Variants in KCNAB1 observed in about 807,000 individuals in gnomAD.
The protein encoded by KCNAB1 is potassium voltage-gated channel subfamily A regulatory beta subunit 1.
Under a neutral mutation model 64.6 loss-of-function variants are expected in KCNAB1, and 35 were observed. That is an observed-to-expected ratio of 0.54 (90% confidence interval 0.41 to 0.72). The LOEUF (loss-of-function observed/expected upper bound fraction) is 0.72. Among genes scored for constraint, KCNAB1 ranks in the 30% least tolerant of loss-of-function variants. The pLI is 0.00. For missense variants in KCNAB1, 401 were observed against 512.9 expected (o/e 0.78, Z 2.11); for synonymous variants, 177 against 183.8 (o/e 0.96, Z 0.30).
chr3:156,217,419 G>GA (rs1215702420), intron 1 of KCNAB1, among the ~76,000 whole-genome samples: 3 of 151,774 alleles, frequency 2.0e-5, no homozygotes, highest in East Asian at 1.9e-4. Context: ...AGTGATATAC[G>GA]AAAAAAAATC....
At chr3:156,354,118 G>GTATA (rs1281835113) in intron 1 of KCNAB1, among the ~76,000 whole-genome samples, 1 of 99,950 alleles carries the variant, frequency 1.0e-5, no homozygotes, top group Non-Finnish European at 2.1e-5. Context: ...ATATGTGTGT[G>GTATA]TGTATATATA....
Position 156,524,739 on chromosome 3 carries a change from T to A in KCNAB1, c.1081+792T>A, listed in dbSNP as rs1285392991. Among the ~76,000 whole-genome samples the A allele has an allele frequency of 1.8e-4, 15 of 81,716 alleles. No individual in the cohort carries two copies. In the Admixed American group the frequency reaches 2.8e-3, roughly 15 times the overall value. 53.6% of individuals were successfully genotyped at this position (81,716 alleles called of 152,430 possible). ...TCCAGCCTGCGTGACAGAGCAAGACTCCATCTCAAAAAAAAAAAAAAAAAA... is the reference window on the plus strand; with the variant it reads ...TCCAGCCTGCGTGACAGAGCAAGACACCATCTCAAAAAAAAAAAAAAAAAA... On this transcript the variant is annotated intron_variant, in intron 12 of 13. Coordinates refer to ENST00000490337, the MANE Select transcript of KCNAB1 (RefSeq NM_172160.3).
chr3:156,124,084 CA>C (rs1713504676), intron 1 of KCNAB1, among the ~76,000 whole-genome samples: 3 of 151,774 alleles, frequency 2.0e-5, no homozygotes, highest in Non-Finnish European at 2.9e-5. Context: ...ATCTTATGAC[CA>C]TAATATTGCT....
intron 2 of KCNAB1, among the ~76,000 whole-genome samples, chr3:156,451,281 G>A (rs1269379896): frequency 4.6e-5 from 7 of 152,342 alleles, no homozygotes; most frequent in Non-Finnish European, 8.8e-5. Flanking sequence ...TGGATACGTA[G>A]AGTATAAAAG....
chr3:156,501,909 C>T (rs918547805), intron 8 of KCNAB1, among the ~76,000 whole-genome samples: 6 of 152,050 alleles, frequency 3.9e-5, no homozygotes, highest in East Asian at 1.9e-4. Flanking sequence ...GAAGAGAAAA[C>T]GAGGAAGAAG....
At chr3:156,253,784 G>C (rs1315228340) in intron 1 of KCNAB1, among the ~76,000 whole-genome samples, 1 of 152,188 alleles carries the variant, frequency 6.6e-6, no homozygotes, top group Non-Finnish European at 1.5e-5. Context: ...ATCCCAGACT[G>C]CTGAATCAGA....
intron 13 of KCNAB1, 107 bp downstream of exon 13, chr3:156,531,604 G>A: frequency 1.2e-6 from 1 of 857,830 alleles, no homozygotes; most frequent in South Asian, 1.3e-5. Flanking sequence ...TGGGGCAAGA[G>A]TAGGGGGAAC....
At chr3:156,129,131 C>T (rs2108262785) in intron 1 of KCNAB1, among the ~76,000 whole-genome samples, 1 of 152,206 alleles carries the variant, frequency 6.6e-6, no homozygotes, top group Non-Finnish European at 1.5e-5. Flanking sequence ...GTGGTTCTGC[C>T]TATTCATTTT....
At chr3:156,463,603 T>C (rs565485294) in intron 5 of KCNAB1, 99 bp from the exon 6 acceptor site, 3 of 951,556 alleles carry the variant, frequency 3.2e-6, no homozygotes, top group East Asian at 2.7e-5. Context: ...ATGTGAGGTA[T>C]AATAACAAAT....
chr3:156,351,385 A>T (rs952561547), intron 1 of KCNAB1, among the ~76,000 whole-genome samples: 1 of 152,228 alleles, frequency 6.6e-6, no homozygotes, highest in African/African-American at 2.4e-5. Flanking sequence ...GCATGGATGT[A>T]GGCTCTCTCT....
At position 156,128,783 on chromosome 3, in the gene KCNAB1, G is replaced by T. The variant is rs73876105; in HGVS notation, c.275+7897G>T. Among the ~76,000 whole-genome samples, 637 of 152,228 alleles carry T rather than the reference G, an allele frequency of 4.2e-3. 5 individuals are homozygous for T. Among genetic ancestry groups the T allele is most frequent in the African/African-American group, 0.014 (599 of 41,542 alleles). On this transcript the variant is annotated intron_variant, in intron 1 of 13. Transcript: ENST00000490337. ...ATGTGGAAATTAAATCTTTCAATGG[G>T]TTGATAATTTATTTTCATGAATATT...
At chr3:156,160,868 A>G (rs1162143735) in intron 1 of KCNAB1, among the ~76,000 whole-genome samples, 2 of 152,188 alleles carry the variant, frequency 1.3e-5, no homozygotes, top group Non-Finnish European at 1.5e-5. Context: ...CATTGATCTA[A>G]TTAGGCCCGG....
chr3:156,497,038 A>G (rs1444522731), intron 8 of KCNAB1, among the ~76,000 whole-genome samples: 1 of 152,188 alleles, frequency 6.6e-6, no homozygotes, highest in East Asian at 1.9e-4. Flanking sequence ...AAATATTAAC[A>G]TTAATATTTA....
chr3:156,308,268 G>A (rs1309395299), intron 1 of KCNAB1, among the ~76,000 whole-genome samples: 1 of 152,174 alleles, frequency 6.6e-6, no homozygotes, highest in Admixed American at 6.5e-5. Context: ...AGAACATTAA[G>A]GTTAGAATGG....
intron 1 of KCNAB1, among the ~76,000 whole-genome samples, chr3:156,286,595 T>A (rs767306212): frequency 2.6e-5 from 4 of 152,246 alleles, no homozygotes; most frequent in Non-Finnish European, 4.4e-5. Flanking sequence ...GAAAAAAATT[T>A]TTTTAAGCAA....
intron 1 of KCNAB1, among the ~76,000 whole-genome samples, chr3:156,306,144 T>C (rs753955304): frequency 6.6e-6 from 1 of 152,196 alleles, no homozygotes; most frequent in Non-Finnish European, 1.5e-5. Context: ...TATTGATCAA[T>C]TAAAAAAAGT....
chr3:156,494,635 A>G (rs905745354), intron 8 of KCNAB1, among the ~76,000 whole-genome samples: 1 of 102,454 alleles, frequency 9.8e-6, no homozygotes, highest in Non-Finnish European at 1.9e-5. Flanking sequence ...AAGGCCAAGT[A>G]GGGAAAAGAG....
intron 1 of KCNAB1, among the ~76,000 whole-genome samples, chr3:156,181,623 T>A (rs1051945704): frequency 1.3e-5 from 2 of 152,068 alleles, no homozygotes; most frequent in African/African-American, 4.8e-5. Flanking sequence ...CCAGTAATGG[T>A]GGTAGGTACA....
rs79601885 is a variant in KCNAB1, at chr3:156,450,559, T to C, written c.320-2340T>C. 1.4e-4 allele frequency among the ~76,000 whole-genome samples: 22 copies of C among 152,338 alleles called. No individual in the cohort carries two copies. In the East Asian group the frequency reaches 4.2e-3, roughly 29 times the overall value. On this transcript the variant is annotated intron_variant, in intron 2 of 13. Transcript: ENST00000490337. Reference sequence around the variant, plus strand: ...CATTAGACTAACATTTACAAATGCCTGTTGAGGCTCTGGACACATAATTTC... The same window carrying C: ...CATTAGACTAACATTTACAAATGCCCGTTGAGGCTCTGGACACATAATTTC...
Sources: allele counts gnomAD v4.1 joint callset (sites outside exome capture counted in the v4.1 genomes callset), GRCh38; gene constraint gnomAD v4.1.1; transcripts MANE v1.5; gene names NCBI Gene and HGNC (gene_info 2026-07-23, HGNC 2026-07-21).